The following FRMD5 variants were observed in gnomAD, a reference collection of about 807,000 sequenced individuals.
The protein encoded by FRMD5 is FERM domain-containing protein 5.
Under a neutral mutation model 69.0 loss-of-function variants are expected in FRMD5, and 20 were observed. The observed-to-expected ratio is 0.29, with a 90% CI of 0.20 to 0.42. The LOEUF is 0.42. Ranked by LOEUF, FRMD5 falls within the 10% of genes least tolerant of loss-of-function variation. FRMD5 has a pLI of 1.00. For synonymous variants in FRMD5, 271 were observed against 260.1 expected, an observed-to-expected ratio of 1.04 and a Z score of -0.40; for missense variants, 595 against 708.6, an observed-to-expected ratio of 0.84 and a Z score of 1.82.
chr15:44,097,407 T>G (rs1325518418), intron 1 of FRMD5, among the ~76,000 whole-genome samples: 1 of 152,224 alleles, frequency 6.6e-6, no homozygotes, highest in Non-Finnish European at 1.5e-5. Flanking sequence ...TTAGGGCTTA[T>G]CTGGGTCAGA....
chr15:44,142,882 A>G (rs1200887794), intron 1 of FRMD5, among the ~76,000 whole-genome samples: 1 of 152,152 alleles, frequency 6.6e-6, no homozygotes, highest in Non-Finnish European at 1.5e-5. Context: ...TGGGGTCAGG[A>G]GTTCAAGACC....
intron 6 of FRMD5, among the ~76,000 whole-genome samples, chr15:43,903,392 C>T (rs1015681055): frequency 6.6e-6 from 1 of 152,208 alleles, no homozygotes; most frequent in African/African-American, 2.4e-5. Context: ...TCTGGAGAGG[C>T]ATTAGTCAGG....
Position 43,919,767 on chromosome 15 carries a change from A to T in FRMD5, c.250T>A (p.Ser84Thr). The change falls in exon 3 of 14, where the codon TCC becomes ACC. Residue 84 changes from serine (S) to threonine (T), a missense_variant and splice_region_variant. This residue lies in a region of FRMD5 where 79 missense variants were observed against 139.9 expected (regional missense o/e 0.56). Transcript: ENST00000417257. ...FTKSVVKQLR[S>T]QPPFTMCFRV... ...GAGTCTTTTCATGGAGAATACTTAC[A>T]TCTCAATTGTTTCACCACAGACTTT... The T allele has an allele frequency of 6.2e-7, 1 of 1,613,934 alleles. No homozygotes were observed. Among genetic ancestry groups the T allele is most frequent in the Non-Finnish European group, 8.5e-7 (1 of 1,179,772 alleles).
intron 1 of FRMD5, among the ~76,000 whole-genome samples, chr15:44,057,264 C>T (rs1419484603): frequency 6.6e-6 from 1 of 151,968 alleles, no homozygotes; most frequent in Admixed American, 6.6e-5. Flanking sequence ...AGCCACCACG[C>T]CTGGCTAATT....
chr15:43,875,869 T>G, intron 13 of FRMD5: 1 of 506,668 alleles, frequency 2.0e-6, no homozygotes, highest in Non-Finnish European at 4.0e-6. Context: ...CCTTCAACCA[T>G]AATAATATGA....
At chr15:43,888,531 G>A (rs2088717913) in intron 9 of FRMD5, among the ~76,000 whole-genome samples, 1 of 152,208 alleles carries the variant, frequency 6.6e-6, no homozygotes, top group Admixed American at 6.5e-5. Flanking sequence ...CTTGCCTCTG[G>A]AATTCCCATA....
intron 1 of FRMD5, among the ~76,000 whole-genome samples, chr15:44,189,886 C>T (rs1361437390): frequency 2.0e-5 from 3 of 152,076 alleles, no homozygotes; most frequent in Non-Finnish European, 4.4e-5. Flanking sequence ...TATGAATTGG[C>T]GATTTGCTGT....
chr15:43,901,493 C>T (rs1238184394), intron 7 of FRMD5, among the ~76,000 whole-genome samples: 4 of 152,026 alleles, frequency 2.6e-5, no homozygotes, highest in African/African-American at 9.7e-5. Context: ...AAGAGAGAGG[C>T]AGAAATGTGG....
At chr15:43,912,978 C>T (rs894408755) in intron 4 of FRMD5, among the ~76,000 whole-genome samples, 2 of 150,158 alleles carry the variant, frequency 1.3e-5, no homozygotes, top group East Asian at 2.0e-4. Context: ...GGTGGCAGTG[C>T]GCCAAGATCG....
At chr15:43,937,603 A>G (rs1422172806) in intron 1 of FRMD5, among the ~76,000 whole-genome samples, 2 of 146,436 alleles carry the variant, frequency 1.4e-5, no homozygotes, top group Non-Finnish European at 3.0e-5. Context: ...GCGCCACTGC[A>G]CTCTGCACTC....
chr15:43,970,092 C>G (rs1469639120), intron 1 of FRMD5, among the ~76,000 whole-genome samples: 5 of 152,166 alleles, frequency 3.3e-5, no homozygotes, highest in Non-Finnish European at 7.4e-5. Flanking sequence ...TAATTTTCTT[C>G]AACTACTATA....
intron 7 of FRMD5, among the ~76,000 whole-genome samples, chr15:43,896,270 T>C (rs1419902245): frequency 2.6e-5 from 4 of 152,246 alleles, no homozygotes. Context: ...AAAGAGCTTC[T>C]GTCTCAGTTT....
chr15:43,880,946 C>T (rs942337042), intron 13 of FRMD5, among the ~76,000 whole-genome samples: 1 of 152,214 alleles, frequency 6.6e-6, no homozygotes, highest in Non-Finnish European at 1.5e-5. Context: ...GGACCTGACT[C>T]AGCCTCAGCA....
chr15:43,957,090 C>T (rs1713826435), intron 1 of FRMD5, among the ~76,000 whole-genome samples: 1 of 152,186 alleles, frequency 6.6e-6, no homozygotes, highest in Non-Finnish European at 1.5e-5. Context: ...TACATATTCA[C>T]AAAAATCCTC....
chr15:43,875,666 C>T (rs865853023), intron 13 of FRMD5, among the ~76,000 whole-genome samples: 4 of 151,664 alleles, frequency 2.6e-5, no homozygotes, highest in Non-Finnish European at 4.4e-5. Context: ...TGAGTAGAGA[C>T]GGGGTTTTGC....
At chr15:43,960,529 G>A (rs551047755) in intron 1 of FRMD5, among the ~76,000 whole-genome samples, 16 of 152,244 alleles carry the variant, frequency 1.1e-4, no homozygotes, top group East Asian at 3.9e-4. Context: ...GATTACAGGC[G>A]TGAGCCACAG....
Position 43,880,488 on chromosome 15 carries a change from A to G in FRMD5, c.1135+3215T>C, listed in dbSNP as rs528088727. ...ACTCTCGCCTCCTGGAAACTAACCC[A>G]TTCTTTACTTCCACAGGCTTGGTAG... is the stretch of plus-strand genomic sequence containing the variant. On this transcript the variant is annotated intron_variant, in intron 13 of 13. Coordinates refer to ENST00000417257, the MANE Select transcript of FRMD5 (RefSeq NM_032892.5). Among the ~76,000 whole-genome samples the G allele has an allele frequency of 7.9e-5, 12 of 152,320 alleles. No individual in the cohort carries two copies. In the East Asian group the frequency reaches 1.2e-3, roughly 15 times the overall value.
At chr15:43,975,280 A>C (rs1409614796) in intron 1 of FRMD5, among the ~76,000 whole-genome samples, 1 of 152,256 alleles carries the variant, frequency 6.6e-6, no homozygotes, top group Non-Finnish European at 1.5e-5. Context: ...AGATGTAAAG[A>C]GGTATTTGCC....
intron 1 of FRMD5, chr15:44,063,640 G>A (rs1168558083): frequency 4.2e-5 from 20 of 481,690 alleles, no homozygotes; most frequent in Non-Finnish European, 8.0e-5. Flanking sequence ...CAACTACATG[G>A]TCTACATGTT....
Sources: allele counts gnomAD v4.1 joint callset (sites outside exome capture counted in the v4.1 genomes callset), GRCh38; gene constraint gnomAD v4.1.1; regional missense constraint gnomAD v4.1.1; transcripts MANE v1.5; gene names NCBI Gene and HGNC (gene_info 2026-07-23, HGNC 2026-07-21).